The following SEMA3A variants were observed in gnomAD, a reference collection of about 807,000 sequenced individuals.
The protein encoded by SEMA3A is semaphorin-3A.
A neutral mutation model predicts 97.9 loss-of-function variants in SEMA3A; 29 were observed. That is an observed-to-expected ratio of 0.30 (90% CI 0.22 to 0.40). The LOEUF (loss-of-function observed/expected upper bound fraction) is 0.40. Ranked by LOEUF, SEMA3A falls within the 10% of genes least tolerant of loss-of-function variation. The pLI is 1.00. For missense variants in SEMA3A, 763 were observed against 951.3 expected (o/e 0.80, Z 2.60); for synonymous variants, 321 against 323.7 (o/e 0.99, Z 0.09).
rs1803044956 is a variant in SEMA3A, at chr7:84,374,213, T to C, written c.-245-2313A>G. On this transcript the variant is annotated intron_variant, in intron 1 of 3. Transcript: ENST00000424555. ...TGTGAAAGACAGTATGTATCAAAAATGTGAATGTGTGTATCCTTTACCCAA... is the reference window on the plus strand; with the variant it reads ...TGTGAAAGACAGTATGTATCAAAAACGTGAATGTGTGTATCCTTTACCCAA... Among the ~76,000 whole-genome samples, 4 of 152,202 alleles carry C rather than the reference T, an allele frequency of 2.6e-5. No homozygotes were observed. In the South Asian group the frequency reaches 8.3e-4, roughly 31 times the overall value.
At chr7:84,134,025 C>T (rs989468753) in intron 2 of SEMA3A, among the ~76,000 whole-genome samples, 1 of 151,948 alleles carries the variant, frequency 6.6e-6, no homozygotes, top group Non-Finnish European at 1.5e-5. Context: ...CGCGCCACTG[C>T]ACTCCAGCCT....
chr7:84,390,722 C>T (rs1803547492), intron 1 of SEMA3A, among the ~76,000 whole-genome samples: 2 of 152,078 alleles, frequency 1.3e-5, no homozygotes, highest in Admixed American at 1.3e-4. Context: ...AAGAAACCAA[C>T]TATTCTTGCC....
At chr7:84,091,143 G>GAAAGA (rs1794563157) in intron 4 of SEMA3A, among the ~76,000 whole-genome samples, 1 of 20,122 alleles carries the variant, frequency 5.0e-5, no homozygotes, top group Non-Finnish European at 9.8e-5. Flanking sequence ...AAAGAAGGAA[G>GAAAGA]GAAGGAAGGA....
At chr7:84,247,627 G>C (rs1214630833) in intron 3 of SEMA3A, among the ~76,000 whole-genome samples, 1 of 152,132 alleles carries the variant, frequency 6.6e-6, no homozygotes. Context: ...AAGAAGAAAA[G>C]GAAATTATCT....
chr7:84,439,025 G>A (rs1218946034), intron 1 of SEMA3A, among the ~76,000 whole-genome samples: 1 of 151,556 alleles, frequency 6.6e-6, no homozygotes, highest in South Asian at 2.1e-4. Flanking sequence ...AGGGGCCTGA[G>A]CAGGTTGATA....
intron 6 of SEMA3A, among the ~76,000 whole-genome samples, chr7:84,028,674 G>A (rs570489359): frequency 6.6e-5 from 10 of 152,212 alleles, no homozygotes; most frequent in African/African-American, 1.7e-4. Flanking sequence ...GCACGATCTC[G>A]GCTGACTGAA....
chr7:84,030,553 A>G (rs1215786765), intron 6 of SEMA3A, among the ~76,000 whole-genome samples: 3 of 152,112 alleles, frequency 2.0e-5, no homozygotes, highest in African/African-American at 7.2e-5. Flanking sequence ...AAATATACCA[A>G]TTCTTCCTTT....
intron 1 of SEMA3A, among the ~76,000 whole-genome samples, chr7:84,402,549 G>GT (rs2116215125): frequency 6.6e-6 from 1 of 152,236 alleles, no homozygotes; most frequent in East Asian, 1.9e-4. Flanking sequence ...TCACTCCCAT[G>GT]TTTATTGCAG....
chr7:84,396,787 TTTC>T (rs1803745896), intron 1 of SEMA3A, among the ~76,000 whole-genome samples: 1 of 152,030 alleles, frequency 6.6e-6, no homozygotes, highest in South Asian at 2.1e-4. Flanking sequence ...TTTATTTTAC[TTTC>T]TTATCTCAAA....
chr7:84,487,543 G>T (rs192002016), intron 1 of SEMA3A, among the ~76,000 whole-genome samples: 15 of 152,122 alleles, frequency 9.9e-5, no homozygotes, highest in East Asian at 3.9e-4. Context: ...AAGAGGGAGA[G>T]AAACACTTTT....
chr7:83,961,327 T>C lies in SEMA3A; in HGVS notation c.*44A>G. 1 of 1,483,736 alleles carries C rather than the reference T, an allele frequency of 6.7e-7. No individual in the cohort carries two copies. The highest frequency in any genetic ancestry group is 9.4e-7 in the Non-Finnish European group (1 of 1,064,424). The allele number at this position is 1,483,736 out of a possible 1,614,324, so 91.9% of individuals were successfully genotyped here. ...TGCATTTGTTTTTCCAGTTATTGTCTAGGCAAGTTTCTACTTGTTTGAGGT... is the reference window on the plus strand; with the variant it reads ...TGCATTTGTTTTTCCAGTTATTGTCCAGGCAAGTTTCTACTTGTTTGAGGT... On this transcript the variant is annotated 3_prime_UTR_variant, in exon 17 of 17. Transcript: ENST00000265362.
intron 1 of SEMA3A, among the ~76,000 whole-genome samples, chr7:84,442,888 G>A (rs1218701423): frequency 6.6e-6 from 1 of 152,072 alleles, no homozygotes; most frequent in Non-Finnish European, 1.5e-5. Context: ...AGAATATTAT[G>A]TTGATGAAAG....
intron 3 of SEMA3A, among the ~76,000 whole-genome samples, chr7:84,246,718 G>C (rs1799484921): frequency 6.6e-6 from 1 of 151,836 alleles, no homozygotes. Context: ...CTCATGGGAG[G>C]ACAAACTATA....
chr7:84,090,663 T>C (rs1794536709), intron 4 of SEMA3A, among the ~76,000 whole-genome samples: 1 of 152,198 alleles, frequency 6.6e-6, no homozygotes, highest in African/African-American at 2.4e-5. Context: ...TTATTTAATA[T>C]TGATAATTTT....
At chr7:84,252,949 G>A (rs1404723170) in intron 3 of SEMA3A, among the ~76,000 whole-genome samples, 2 of 152,208 alleles carry the variant, frequency 1.3e-5, no homozygotes, top group Admixed American at 6.5e-5. Context: ...CAAGATATCA[G>A]CTCACTGCAA....
chr7:84,090,151 T>C (rs1583947785), intron 4 of SEMA3A, among the ~76,000 whole-genome samples: 1 of 152,112 alleles, frequency 6.6e-6, no homozygotes, highest in East Asian at 1.9e-4. Context: ...TATGTTGCAG[T>C]GGAGGAGTAA....
intron 3 of SEMA3A, among the ~76,000 whole-genome samples, chr7:84,203,405 A>G (rs1467913261): frequency 6.7e-6 from 1 of 149,164 alleles, no homozygotes; most frequent in Non-Finnish European, 1.5e-5. Context: ...TTAATGGATT[A>G]ATTAATTAGT....
chr7:84,400,372 G>A (rs1412327882), intron 1 of SEMA3A, among the ~76,000 whole-genome samples: 1 of 152,128 alleles, frequency 6.6e-6, no homozygotes, highest in Admixed American at 6.6e-5. Context: ...TTTTGAGGAA[G>A]CTCAATGAAT....
chr7:84,472,535 T>C (rs1187656177), intron 1 of SEMA3A, among the ~76,000 whole-genome samples: 1 of 152,212 alleles, frequency 6.6e-6, no homozygotes, highest in African/African-American at 2.4e-5. Flanking sequence ...GTGTGTCTTG[T>C]TTTCTGTTTT....
Sources: gnomAD v4.1 joint callset for allele counts (sites outside exome capture counted in the v4.1 genomes callset) on GRCh38, gnomAD v4.1.1 for gene constraint, MANE v1.5 for transcripts, NCBI Gene and HGNC (gene_info 2026-07-23, HGNC 2026-07-21) for gene names.